CCDC60: variants seen among roughly 807,000 people sequenced by gnomAD.
The protein encoded by CCDC60 is coiled-coil domain containing 60.
A neutral mutation model predicts 63.5 loss-of-function variants in CCDC60; 54 were observed. The ratio of observed to expected loss-of-function variants is 0.85; its 90% CI spans 0.68 to 1.07. The LOEUF (loss-of-function observed/expected upper bound fraction) is 1.07. CCDC60 is among the 50% of genes least tolerant of loss of function. The pLI is 0.00. For missense variants in CCDC60, 651 were observed against 684.3 expected (o/e 0.95, Z 0.54); for synonymous variants, 206 against 238.8 (o/e 0.86, Z 1.27).
At chr12:119,346,528 G>C (rs754820005) in intron 1 of CCDC60, among the ~76,000 whole-genome samples, 2 of 152,128 alleles carry the variant, frequency 1.3e-5, no homozygotes, top group East Asian at 1.9e-4. Flanking sequence ...TCTCTAAAAG[G>C]GGCAACTATT....
chr12:119,446,752 A>G (rs141589718), intron 2 of CCDC60, among the ~76,000 whole-genome samples: 25 of 151,654 alleles, frequency 1.6e-4, no homozygotes, highest in African/African-American at 5.8e-4. Context: ...TTTTACTTGC[A>G]TGGCCCCTGT....
At chr12:119,520,357 G>A (rs574509) in intron 9 of CCDC60, among the ~76,000 whole-genome samples, 165 bp downstream of exon 9, 100,051 of 151,772 alleles carry the variant, frequency 0.66, 34,728 homozygotes, top group East Asian at 0.89. Flanking sequence ...CTGCAGGGCC[G>A]GGCGTGGGAA....
At chr12:119,426,367 G>A (rs112092066) in intron 1 of CCDC60, among the ~76,000 whole-genome samples, 1 of 143,696 alleles carries the variant, frequency 7.0e-6, no homozygotes, top group Non-Finnish European at 1.5e-5. Context: ...GTTTTGTTTT[G>A]TTTTTTTGAG....
chr12:119,364,146 C>G (rs762869063), intron 1 of CCDC60, among the ~76,000 whole-genome samples: 1 of 151,620 alleles, frequency 6.6e-6, no homozygotes, highest in Non-Finnish European at 1.5e-5. Flanking sequence ...ATATTTGCTT[C>G]CCTTCCTTCT....
chr12:119,358,102 A>G (rs1287161074), intron 1 of CCDC60, among the ~76,000 whole-genome samples: 1 of 152,128 alleles, frequency 6.6e-6, no homozygotes, highest in Non-Finnish European at 1.5e-5. Context: ...ATGGTGCTAG[A>G]CCATTCATGG....
intron 1 of CCDC60, among the ~76,000 whole-genome samples, chr12:119,395,928 T>C (rs1454769949): frequency 6.6e-6 from 1 of 151,342 alleles, no homozygotes; most frequent in Non-Finnish European, 1.5e-5. Flanking sequence ...TTCTCCTCCA[T>C]CATGCATCCT....
intron 1 of CCDC60, among the ~76,000 whole-genome samples, chr12:119,374,557 G>A (rs1052575362): frequency 2.2e-4 from 33 of 152,118 alleles, no homozygotes; most frequent in African/African-American, 5.3e-4. Context: ...GGTCTTGATC[G>A]AGACCCCAAG....
chr12:119,387,010 TCC>T lies in CCDC60; in HGVS notation c.91-41671_91-41670del, dbSNP rs1361535273. Among the ~76,000 whole-genome samples the T allele has an allele frequency of 6.6e-5, 9 of 136,344 alleles. No individual in the cohort carries two copies. The East Asian group carries it at 1.6e-3, about 25-fold the overall frequency. 89.4% of individuals were successfully genotyped at this position (136,344 alleles called of 152,430 possible). A position where few individuals can be genotyped will look rare whatever the true frequency, so the allele number is the denominator to read the frequency against. On this transcript the variant is annotated intron_variant, in intron 1 of 13. Coordinates refer to ENST00000327554, the MANE Select transcript of CCDC60 (RefSeq NM_178499.5). Reference sequence around the variant, plus strand: ...TCCCCCTCAACTCTCTCTCTCTCTCTCCCTCCCTCCCCCTCTGTCTCTCTCAC... The same window carrying T: ...TCCCCCTCAACTCTCTCTCTCTCTCTCTCCCTCCCCCTCTGTCTCTCTCAC...
chr12:119,424,774 T>C (rs1164328840), intron 1 of CCDC60, among the ~76,000 whole-genome samples: 1 of 152,238 alleles, frequency 6.6e-6, no homozygotes. Context: ...ACTATAATTA[T>C]AAAGTTATAA....
chr12:119,338,879 A>G (rs113665936), intron 1 of CCDC60, among the ~76,000 whole-genome samples: 1 of 151,888 alleles, frequency 6.6e-6, no homozygotes, highest in Admixed American at 6.6e-5. Flanking sequence ...GTTGGAAAAA[A>G]CCTCAAAAGG....
intron 1 of CCDC60, among the ~76,000 whole-genome samples, chr12:119,424,302 T>TGCTACACCATGTAATTACA (rs1238771211): frequency 6.6e-6 from 1 of 152,252 alleles, no homozygotes; most frequent in African/African-American, 2.4e-5. Flanking sequence ...TGAAATTACA[T>TGCTACACCATGTAATTACA]TCCATTACCA....
intron 5 of CCDC60, among the ~76,000 whole-genome samples, chr12:119,496,652 C>G (rs1593173015): frequency 6.6e-6 from 1 of 152,198 alleles, no homozygotes; most frequent in East Asian, 1.9e-4. Context: ...TTCTTTTCAT[C>G]TTCACGGCAA....
At chr12:119,376,541 T>C (rs1308126562) in intron 1 of CCDC60, among the ~76,000 whole-genome samples, 1 of 152,090 alleles carries the variant, frequency 6.6e-6, no homozygotes, top group African/African-American at 2.4e-5. Flanking sequence ...GGTGGGAGGA[T>C]CGCTTGAACC....
intron 1 of CCDC60, among the ~76,000 whole-genome samples, chr12:119,399,125 G>A (rs1490265064): frequency 1.3e-5 from 2 of 152,154 alleles, no homozygotes; most frequent in African/African-American, 4.8e-5. Flanking sequence ...AGGGCAGTGG[G>A]GTATGAATAT....
intron 3 of CCDC60, among the ~76,000 whole-genome samples, chr12:119,477,298 C>G (rs763490000): frequency 3.3e-5 from 5 of 152,222 alleles, no homozygotes; most frequent in Non-Finnish European, 5.9e-5. Flanking sequence ...GAACATAGAC[C>G]TACCTCTCGA....
At position 119,394,468 on chromosome 12, in the gene CCDC60, C is replaced by A. The variant is rs1956214894; in HGVS notation, c.91-34215C>A. On this transcript the variant is annotated intron_variant, in intron 1 of 13. Coordinates refer to ENST00000327554, the MANE Select transcript of CCDC60 (RefSeq NM_178499.5). ...GTGGTAGTCCAGGCAAGGACATACT[C>A]CGTGCCTCTGGCAAAGCCCAAGGAG... Among the ~76,000 whole-genome samples the A allele has an allele frequency of 2.0e-5, 3 of 152,234 alleles. No individual in the cohort carries two copies. In the South Asian group the frequency reaches 6.2e-4, roughly 31 times the overall value.
chr12:119,534,069 T>A lies in CCDC60; in HGVS notation c.1551+3006T>A, dbSNP rs4767825. On this transcript the variant is annotated intron_variant, in intron 13 of 13. Transcript: ENST00000327554. ...TCCATGAGCATGGAATATTTTTCCA[T>A]TTGTTTGTGTCCTCTTTTATTTCGT... 1.2e-4 allele frequency among the ~76,000 whole-genome samples: 19 copies of A among 152,206 alleles called. No individual in the cohort carries two copies. In the East Asian group the frequency reaches 3.1e-3, roughly 25 times the overall value.
intron 13 of CCDC60, among the ~76,000 whole-genome samples, chr12:119,532,833 T>C (rs1952894059): frequency 6.6e-6 from 1 of 152,154 alleles, no homozygotes; most frequent in East Asian, 1.9e-4. Context: ...GGCATTTGGG[T>C]TGGTTCCAAG....
intron 2 of CCDC60, chr12:119,429,009 G>A (rs1956950340): frequency 2.5e-6 from 1 of 397,128 alleles, no homozygotes; most frequent in Non-Finnish European, 4.6e-6. Context: ...TTTCTTCCTG[G>A]ACCTGAATCC....
Sources: gnomAD v4.1 joint callset for allele counts (sites outside exome capture counted in the v4.1 genomes callset) on GRCh38, gnomAD v4.1.1 for gene constraint, MANE v1.5 for transcripts, NCBI Gene and HGNC (gene_info 2026-07-23, HGNC 2026-07-21) for gene names.